Variants in SDK1 observed in about 807,000 individuals in gnomAD.
SDK1 encodes protein sidekick-1.
A neutral mutation model predicts 245.5 loss-of-function variants in SDK1; 157 were observed. That is an observed-to-expected ratio of 0.64 (90% confidence interval 0.56 to 0.73). The LOEUF (loss-of-function observed/expected upper bound fraction) is 0.73. Ranked by LOEUF, SDK1 falls within the 30% of genes least tolerant of loss-of-function variation. The pLI is 0.00. For missense variants in SDK1, 3,583 were observed against 3,002.3 expected, an observed-to-expected ratio of 1.19 and a Z score of -4.52; for synonymous variants, 1,647 against 1,278.5, an observed-to-expected ratio of 1.29 and a Z score of -6.15.
chr7:3,790,230 A>T (rs189401970), intron 4 of SDK1, among the ~76,000 whole-genome samples: 1 of 152,272 alleles, frequency 6.6e-6, no homozygotes, highest in South Asian at 2.1e-4. Flanking sequence ...GTCTCTGAAG[A>T]AATGGAATGG....
intron 1 of SDK1, among the ~76,000 whole-genome samples, chr7:3,515,973 A>G (rs1165944554): frequency 1.3e-5 from 2 of 152,164 alleles, no homozygotes; most frequent in Admixed American, 6.6e-5. Flanking sequence ...GGCTTTCTGC[A>G]CATGTCATTT....
At chr7:3,307,931 G>C (rs576618105) in intron 1 of SDK1, among the ~76,000 whole-genome samples, 4 of 152,206 alleles carry the variant, frequency 2.6e-5, no homozygotes, top group African/African-American at 7.2e-5. Context: ...TGTGTCTCCT[G>C]TCTGGGGATT....
At chr7:4,221,171 T>A in intron 39 of SDK1, 68 bp from the exon 40 acceptor site, 1 of 1,585,656 alleles carries the variant, frequency 6.3e-7, no homozygotes, top group Non-Finnish European at 8.6e-7. Flanking sequence ...CACTGTGAAA[T>A]CTCACGGGGT....
chr7:4,011,047 C>G lies in SDK1; in HGVS notation c.2213C>G (p.Thr738Ser). 1 of 1,614,156 alleles carries G rather than the reference C, an allele frequency of 6.2e-7. No homozygotes were observed. ...VTVSGLTPAR[T>S]YQFRVCAVNE... ...GTGAGTGGCCTGACTCCGGCTCGTA[C>G]CTATCAATTCCGGGTGTGCGCGGTG... The change falls in exon 15 of 45, where the codon ACC becomes AGC. Residue 738 changes from threonine to serine, a missense_variant. Physicochemically the swap from Thr to Ser is moderately conservative, Grantham distance 58 (BLOSUM62 1). Coordinates refer to ENST00000404826, the MANE Select transcript of SDK1 (RefSeq NM_152744.4).
chr7:3,385,767 A>G (rs768682395), intron 1 of SDK1, among the ~76,000 whole-genome samples: 1 of 152,186 alleles, frequency 6.6e-6, no homozygotes, highest in Non-Finnish European at 1.5e-5. Flanking sequence ...GATGGAGATC[A>G]TATTTTGTGG....
rs141351562 is a variant in SDK1, at chr7:3,918,424, C to T, written c.848-32499C>T. Among the ~76,000 whole-genome samples, 45 of 152,228 alleles carry T rather than the reference C, an allele frequency of 3.0e-4. No homozygotes were observed. In the East Asian group the frequency reaches 6.0e-3, roughly 20 times the overall value. ...CACGAACCCTATTGTGAGCTGTGCCCGCGAGGCATCTAGGTTACACACGCC... is the reference window on the plus strand; with the variant it reads ...CACGAACCCTATTGTGAGCTGTGCCTGCGAGGCATCTAGGTTACACACGCC... On this transcript the variant is annotated intron_variant, in intron 5 of 44. Transcript: ENST00000404826.
intron 4 of SDK1, among the ~76,000 whole-genome samples, chr7:3,667,417 G>C (rs1478310643): frequency 2.6e-5 from 4 of 152,018 alleles, no homozygotes; most frequent in Admixed American, 6.6e-5. Flanking sequence ...CCTACCCTGA[G>C]GCTTTTCTAT....
At chr7:3,533,035 A>G (rs1311672479) in intron 1 of SDK1, among the ~76,000 whole-genome samples, 1 of 152,182 alleles carries the variant, frequency 6.6e-6, no homozygotes, top group Non-Finnish European at 1.5e-5. Context: ...TAGAAAAATC[A>G]AAACAGTCCA....
intron 7 of SDK1, among the ~76,000 whole-genome samples, chr7:3,957,562 T>G (rs1254087965): frequency 6.6e-6 from 1 of 152,222 alleles, no homozygotes; most frequent in African/African-American, 2.4e-5. Flanking sequence ...TTTTCCTTTT[T>G]CCTTCCATGC....
chr7:3,480,947 C>G (rs563021957), intron 1 of SDK1, among the ~76,000 whole-genome samples: 3 of 152,182 alleles, frequency 2.0e-5, no homozygotes, highest in Admixed American at 6.5e-5. Context: ...TGTTGGTATC[C>G]TTGTGTTTTA....
intron 1 of SDK1, among the ~76,000 whole-genome samples, chr7:3,563,748 A>AT (rs564716554): frequency 8.7e-4 from 132 of 152,296 alleles, no homozygotes; most frequent in African/African-American, 3.1e-3. Context: ...GACAATGTGT[A>AT]TTTTTTAAGC....
chr7:4,223,751 G>T (rs1385194772), intron 40 of SDK1, among the ~76,000 whole-genome samples: 1 of 152,174 alleles, frequency 6.6e-6, no homozygotes, highest in African/African-American at 2.4e-5. Flanking sequence ...GTATGAATTT[G>T]CAGTGGGGGG....
chr7:4,067,260 G>GGGCC (rs1779966629), intron 19 of SDK1, among the ~76,000 whole-genome samples: 1 of 152,190 alleles, frequency 6.6e-6, no homozygotes, highest in African/African-American at 2.4e-5. Flanking sequence ...GTTAGCAAGG[G>GGGCC]GGCCGCAGGG....
chr7:3,595,063 A>G (rs1045916771), intron 1 of SDK1, among the ~76,000 whole-genome samples: 2 of 152,208 alleles, frequency 1.3e-5, no homozygotes. Flanking sequence ...TTGCCACCAC[A>G]GTGAGTTCCA....
At chr7:3,741,157 T>C (rs1439461615) in intron 4 of SDK1, among the ~76,000 whole-genome samples, 1 of 152,214 alleles carries the variant, frequency 6.6e-6, no homozygotes, top group Admixed American at 6.5e-5. Flanking sequence ...TGCTGAGCAC[T>C]CTCTGAAGTG....
rs1453166167 is a variant in SDK1, at chr7:3,808,424, G to A, written c.714-13026G>A. ...ATCTCAGAATGCTGAAAGGATGCCAGTGTCTGTCTCCCAACTGTGGCTAAT... is the reference window on the plus strand; with the variant it reads ...ATCTCAGAATGCTGAAAGGATGCCAATGTCTGTCTCCCAACTGTGGCTAAT... On this transcript the variant is annotated intron_variant, in intron 4 of 44. Coordinates refer to ENST00000404826, the MANE Select transcript of SDK1 (RefSeq NM_152744.4). Among the ~76,000 whole-genome samples, 8 of 152,206 alleles carry A rather than the reference G, an allele frequency of 5.3e-5. No homozygotes were observed. The East Asian group carries it at 1.5e-3, about 29-fold the overall frequency.
At chr7:4,206,172 G>A (rs1784212370) in intron 36 of SDK1, among the ~76,000 whole-genome samples, 178 bp downstream of exon 36, 1 of 152,234 alleles carries the variant, frequency 6.6e-6, no homozygotes, top group African/African-American at 2.4e-5. Context: ...GCTGCTTGTG[G>A]GTGGGAGGCA....
intron 17 of SDK1, among the ~76,000 whole-genome samples, chr7:4,044,396 A>G (rs145606199): frequency 1.3e-5 from 2 of 152,248 alleles, no homozygotes; most frequent in Non-Finnish European, 2.9e-5. Flanking sequence ...GGTTTCAGAC[A>G]TAGACACCAC....
At chr7:3,832,792 C>T (rs528527169) in intron 5 of SDK1, among the ~76,000 whole-genome samples, 1 of 152,012 alleles carries the variant, frequency 6.6e-6, no homozygotes. Flanking sequence ...TCTGCCTGCA[C>T]CCCTTTACCT....
Sources: allele counts gnomAD v4.1 joint callset (sites outside exome capture counted in the v4.1 genomes callset), GRCh38; gene constraint gnomAD v4.1.1; transcripts MANE v1.5; gene names NCBI Gene and HGNC (gene_info 2026-07-23, HGNC 2026-07-21).